TMEM220: variants seen among roughly 807,000 people sequenced by gnomAD.
The protein encoded by TMEM220 is transmembrane protein 220.
Under a neutral mutation model 21.7 loss-of-function variants are expected in TMEM220, and 21 were observed. The ratio of observed to expected loss-of-function variants is 0.97; its 90% CI spans 0.69 to 1.39. The LOEUF (loss-of-function observed/expected upper bound fraction) is 1.39, where lower values mean the gene tolerates loss of function less well. Ranked by LOEUF, TMEM220 falls within the 40% of genes most tolerant of loss-of-function variation. The pLI is 0.00. For missense variants in TMEM220, 191 were observed against 201.9 expected (o/e 0.95, Z 0.33); for synonymous variants, 80 against 73.6 (o/e 1.09, Z -0.45).
In TMEM220 at chr17:10,729,019, G is replaced by A. The variant is rs762896581; in HGVS notation, c.102+12C>T. 5 of 1,614,110 alleles carry A rather than the reference G, an allele frequency of 3.1e-6. No homozygotes were observed. The South Asian group carries it at 5.5e-5, about 18-fold the overall frequency. On this transcript the variant is annotated intron_variant, in intron 2 of 5. Coordinates refer to ENST00000341871, the MANE Select transcript of TMEM220 (RefSeq NM_001004313.3). ...CCAAACGGAGGAAAGCCTGGAAGCG[G>A]CTCATACTCACCACCCACACCTCTG...
At chr17:10,726,158 G>C (rs373768034) in intron 3 of TMEM220, 46 bp downstream of exon 3, 70 of 1,526,880 alleles carry the variant, frequency 4.6e-5, no homozygotes, top group East Asian at 3.8e-4. Context: ...ATTATTATGA[G>C]GAAATCTGAT....
At position 10,726,824 on chromosome 17, in the gene TMEM220, A is replaced by G. The variant is rs74760354; in HGVS notation, c.103-560T>C. Among the ~76,000 whole-genome samples, 146 of 152,372 alleles carry G rather than the reference A, an allele frequency of 9.6e-4. 1 individual carries two copies. In the East Asian group the frequency reaches 0.022, roughly 23 times the overall value. ...ATAAGTGTTTGGAAATGAGAAGACT[A>G]GCCCTAAAGAGGCCCTATTCCTAAG... On this transcript the variant is annotated intron_variant, in intron 2 of 5. Coordinates refer to ENST00000341871, the MANE Select transcript of TMEM220 (RefSeq NM_001004313.3).
chr17:10,729,566 G>T (rs930950395), intron 1 of TMEM220, among the ~76,000 whole-genome samples: 8 of 152,168 alleles, frequency 5.3e-5, no homozygotes, highest in Non-Finnish European at 1.0e-4. Context: ...CTTCCAGGGT[G>T]TGAGCCCTGG....
At chr17:10,723,411 A>G in intron 4 of TMEM220, 82 bp from the exon 5 acceptor site, 1 of 992,348 alleles carries the variant, frequency 1.0e-6, no homozygotes, top group African/African-American at 1.6e-5. Flanking sequence ...TGACCACCTG[A>G]TAGCGCATTC....
chr17:10,712,032 C>T (rs1033117063), downstream of TMEM220, among the ~76,000 whole-genome samples: 4 of 152,142 alleles, frequency 2.6e-5, no homozygotes, highest in South Asian at 2.1e-4. Context: ...ACAAACCTGG[C>T]GACTTAAACC....
rs2074886835 is a variant in TMEM220 at position 10,714,621 on chromosome 17, A to T, written c.*832T>A. 1 of 152,186 alleles carries T rather than the reference A, an allele frequency of 6.6e-6. No homozygotes were observed. The highest frequency in any genetic ancestry group is 2.4e-5 in the African/African-American group (1 of 41,380). 9.4% of individuals were successfully genotyped at this position (152,186 alleles called of 1,614,324 possible). ...CTGCACTATGCCAGCTCTGGATAAG[A>T]TTAGTTTAGGGCTGGACTGGGCATG... On this transcript the variant is annotated 3_prime_UTR_variant, in exon 6 of 6. Transcript: ENST00000341871.
Position 10,716,404 on chromosome 17 carries a change from T to A in TMEM220, c.348-816A>T, listed in dbSNP as rs192564117. The A allele has an allele frequency of 2.3e-3, 1,464 of 645,528 alleles. 6 individuals carry two copies. The highest frequency in any genetic ancestry group is 3.4e-3 in the Non-Finnish European group (1,126 of 335,408). The allele number at this position is 645,528 out of a possible 1,614,324, so 40.0% of individuals were successfully genotyped here. ...CATGACATCATTCTTGTAATTGCTG[T>A]GTTGGCTTATCTTAATTTCCCGTCC... On this transcript the variant is annotated intron_variant, in intron 5 of 5. Transcript: ENST00000341871.
At chr17:10,711,258 T>A, downstream of TMEM220, 1 of 826,356 alleles carries the variant, frequency 1.2e-6, no homozygotes, top group Non-Finnish European at 1.8e-6. Context: ...CAAAATGTAT[T>A]TATAGTTTCA....
intron 5 of TMEM220, among the ~76,000 whole-genome samples, chr17:10,721,604 C>CAAAAAAAAAAAAAAAAAAAAAAAA (rs1194075248): frequency 2.8e-5 from 1 of 35,828 alleles, no homozygotes; most frequent in Non-Finnish European, 5.0e-5. Flanking sequence ...GACTCTGTCT[C>CAAAAAAAAAAAAAAAAAAAAAAAA]AAAAAAAAAA....
At chr17:10,712,200 C>A (rs1322369611), downstream of TMEM220, among the ~76,000 whole-genome samples, 4 of 152,234 alleles carry the variant, frequency 2.6e-5, no homozygotes, top group Non-Finnish European at 5.9e-5. Context: ...TTCTGTGGCT[C>A]ATGGCCCCTT....
chr17:10,717,291 T>C (rs1037125739), intron 5 of TMEM220, among the ~76,000 whole-genome samples: 1 of 152,232 alleles, frequency 6.6e-6, no homozygotes, highest in Non-Finnish European at 1.5e-5. Context: ...TTTTCAACTG[T>C]TCACCATTAA....
chr17:10,725,149 T>G lies in TMEM220; in HGVS notation c.164-15A>C. On this transcript the variant is annotated splice_polypyrimidine_tract_variant and intron_variant, in intron 3 of 5. Transcript: ENST00000341871. ...AATAACATTACCTAAAAATAGATGT[T>G]CTGATGTTGTTAACCACGGAATCAC... 1 of 1,612,876 alleles carries G rather than the reference T, an allele frequency of 6.2e-7. No individual in the cohort carries two copies. The highest frequency in any genetic ancestry group is 1.1e-5 in the South Asian group (1 of 91,042).
rs2075087594 is a variant in TMEM220 at position 10,729,050 on chromosome 17, G to A, written c.83C>T (p.Pro28Leu). 1.2e-6 allele frequency: 2 copies of A among 1,614,016 alleles called. No homozygotes were observed. Among genetic ancestry groups the A allele is most frequent in the East Asian group, 2.2e-5 (1 of 44,896 alleles). The change falls in exon 2 of 6, where the codon CCA (proline) becomes CTA (leucine). Residue 28 changes from proline to leucine, a missense_variant. Transcript: ENST00000341871. ...ALAALVQVND[P>L]DAEVWVVVYT... ...ACTCACCACCCACACCTCTGCATCT[G>A]GGTCATTTACCTGGAACGCCAGAAT...
At chr17:10,711,162 T>C, downstream of TMEM220, 1 of 1,566,158 alleles carries the variant, frequency 6.4e-7, no homozygotes, top group South Asian at 1.2e-5. Context: ...TATTTTAACT[T>C]GATAGAAAAT....
At chr17:10,723,194 T>A in intron 5 of TMEM220, 76 bp downstream of exon 5, 1 of 1,239,124 alleles carries the variant, frequency 8.1e-7, no homozygotes, top group East Asian at 2.3e-5. Context: ...TTGGCCAGGA[T>A]GGTCTTGATC....
chr17:10,720,583 G>A (rs4791420), intron 5 of TMEM220, among the ~76,000 whole-genome samples: 8,495 of 152,120 alleles, frequency 0.056, 830 homozygotes, highest in African/African-American at 0.19. Context: ...TGGAGAAGCC[G>A]AATTTCTTTT....
At position 10,725,008 on chromosome 17, in the gene TMEM220, C is replaced by T; in HGVS notation, c.287+3G>A. 1 of 1,614,166 alleles carries T rather than the reference C, an allele frequency of 6.2e-7. No individual in the cohort carries two copies. ...CCTCCACAGGGTAACCGTCACCGCT[C>T]ACCTGCCTTCTTCCTCATGTAAGAT... On this transcript the variant is annotated splice_donor_region_variant and intron_variant, in intron 4 of 5. Coordinates refer to ENST00000341871, the MANE Select transcript of TMEM220 (RefSeq NM_001004313.3).
At chr17:10,725,725 T>C (rs2075041962) in intron 3 of TMEM220, among the ~76,000 whole-genome samples, 1 of 152,206 alleles carries the variant, frequency 6.6e-6, no homozygotes, top group Non-Finnish European at 1.5e-5. Context: ...ACCTTTTCAG[T>C]AAACTGTACC....
Position 10,726,253 on chromosome 17 carries a change from T to C in TMEM220, c.114A>G (p.Thr38=), listed in dbSNP as rs994783493. The change falls in exon 3 of 6, where the codon ACA becomes ACG. Residue 38 remains threonine (T), a synonymous_variant. Coordinates refer to ENST00000341871, the MANE Select transcript of TMEM220 (RefSeq NM_001004313.3). ...CAAGCAGGGTCAGTACTGCAGGGATTGTGTACACCACCTGTTAGCAAAAAG... is the reference window on the plus strand; with the variant it reads ...CAAGCAGGGTCAGTACTGCAGGGATCGTGTACACCACCTGTTAGCAAAAAG... ...PDAEVWVVVY[T]IPAVLTLLVG... is the part of the protein sequence containing the mutation. 6.2e-7 allele frequency: 1 copy of C among 1,614,028 alleles called. No individual in the cohort carries two copies. The highest frequency in any genetic ancestry group is 8.5e-7 in the Non-Finnish European group (1 of 1,179,886).
Sources: allele counts gnomAD v4.1 joint callset (sites outside exome capture counted in the v4.1 genomes callset), GRCh38; gene constraint gnomAD v4.1.1; transcripts MANE v1.5; gene names NCBI Gene and HGNC (gene_info 2026-07-23, HGNC 2026-07-21).